Variants in TBC1D1 observed in about 807,000 individuals in gnomAD.
TBC1D1 encodes TBC1 domain family member 1.
A neutral mutation model predicts 125.6 loss-of-function variants in TBC1D1; 89 were observed. That is an observed-to-expected ratio of 0.71 (90% confidence interval 0.60 to 0.85). The LOEUF (loss-of-function observed/expected upper bound fraction) is 0.85. Ranked by LOEUF, TBC1D1 falls within the 40% of genes least tolerant of loss-of-function variation. The probability of loss-of-function intolerance (pLI) is 0.00; values close to 1 mark genes in which losing one functional copy is unlikely to be tolerated. For synonymous variants in TBC1D1, 565 were observed against 564.1 expected (o/e 1.00, Z -0.02); for missense variants, 1,377 against 1,469.2 (o/e 0.94, Z 1.03).
intron 2 of TBC1D1, among the ~76,000 whole-genome samples, chr4:38,001,197 G>T (rs905392493): frequency 2.0e-5 from 3 of 151,068 alleles, no homozygotes; most frequent in African/African-American, 7.4e-5. Flanking sequence ...TCCAGCCTGA[G>T]CAACAGAGTA....
intron 15 of TBC1D1, among the ~76,000 whole-genome samples, chr4:38,106,782 A>C (rs1254966638): frequency 6.6e-6 from 1 of 152,174 alleles, no homozygotes; most frequent in East Asian, 1.9e-4. Flanking sequence ...AGAAGAGACC[A>C]GATCAGAACA....
chr4:38,068,770 T>C (rs762866003), intron 12 of TBC1D1, among the ~76,000 whole-genome samples: 2 of 152,304 alleles, frequency 1.3e-5, no homozygotes, highest in East Asian at 1.9e-4. Flanking sequence ...TTCAGCAATA[T>C]TGTGAGAGTG....
chr4:37,995,735 C>A lies in TBC1D1; in HGVS notation c.418-18774C>A, dbSNP rs545524934. The A allele has an allele frequency of 1.9e-6, 1 of 528,334 alleles. No homozygotes were observed. Among genetic ancestry groups the A allele is most frequent in the Admixed American group, 1.9e-5 (1 of 51,592 alleles). The allele number at this position is 528,334 out of a possible 1,614,324, so 32.7% of individuals were successfully genotyped here. ...AAGTATTTGGAAATGGTTGTCTGGA[C>A]GGCTTGCACTTTGGTCTTAACTGCA... On this transcript the variant is annotated intron_variant, in intron 2 of 19. Coordinates refer to ENST00000261439, the MANE Select transcript of TBC1D1 (RefSeq NM_015173.4). This position sits in a 1 kb window ranked among gnomAD's most constrained non-coding sequence, Gnocchi z 4.3.
At chr4:38,097,603 A>C (rs1759585566) in intron 14 of TBC1D1, among the ~76,000 whole-genome samples, 1 of 152,056 alleles carries the variant, frequency 6.6e-6, no homozygotes, top group African/African-American at 2.4e-5. Context: ...TGGCCTCCCA[A>C]AGTGCTGGGA....
At chr4:37,963,836 C>A (rs779502150) in intron 2 of TBC1D1, among the ~76,000 whole-genome samples, 1 of 152,146 alleles carries the variant, frequency 6.6e-6, no homozygotes, top group Non-Finnish European at 1.5e-5. Flanking sequence ...GACTCTACTC[C>A]CTTGTAGATT....
chr4:38,034,928 A>G (rs979042867), intron 7 of TBC1D1, among the ~76,000 whole-genome samples: 3 of 152,176 alleles, frequency 2.0e-5, no homozygotes. Flanking sequence ...CACCATCCTC[A>G]CTTCAGCAGA....
At chr4:37,976,662 C>G (rs74856886) in intron 2 of TBC1D1, among the ~76,000 whole-genome samples, 1 of 148,392 alleles carries the variant, frequency 6.7e-6, no homozygotes, top group Non-Finnish European at 1.5e-5. Context: ...TTTTTTTTTT[C>G]AACGTGGAAC....
At chr4:37,996,789 A>G (rs1181254661) in intron 2 of TBC1D1, among the ~76,000 whole-genome samples, 1 of 152,244 alleles carries the variant, frequency 6.6e-6, no homozygotes, top group Non-Finnish European at 1.5e-5. Context: ...AAAGATGGTG[A>G]CAGGGCTGTG....
intron 2 of TBC1D1, among the ~76,000 whole-genome samples, chr4:37,942,352 C>CTTT (rs569587262): frequency 6.6e-6 from 1 of 151,732 alleles, no homozygotes; most frequent in Admixed American, 6.6e-5. Context: ...CAACCCCTGC[C>CTTT]TTTTTTTTGT....
Position 38,096,030 on chromosome 4 carries a change from A to G in TBC1D1, c.2338A>G (p.Thr780Ala). Residue 780 changes from threonine to alanine, a missense_variant, in exon 14 of 20, where the codon ACT (threonine) becomes GCT (alanine). This residue lies in a region of TBC1D1 where 543 missense variants were observed against 613.5 expected (regional missense o/e 0.89). Coordinates refer to ENST00000261439, the MANE Select transcript of TBC1D1 (RefSeq NM_015173.4). ...TACAGTGTGGGAAAAGATGCTTAGC[A>G]CTCCAGGAAGATCAAAAATTAAGTT... 1.9e-6 allele frequency: 3 copies of G among 1,614,014 alleles called. No homozygotes were observed. Among genetic ancestry groups the G allele is most frequent in the African/African-American group, 2.7e-5 (2 of 75,012 alleles).
At chr4:37,952,170 C>A in intron 2 of TBC1D1, 2 of 696,046 alleles carry the variant, frequency 2.9e-6, no homozygotes, top group Non-Finnish European at 2.7e-6. Flanking sequence ...TCCCAGTGGC[C>A]CTGAGACTAT....
chr4:38,103,218 A>G (rs1427187813), intron 15 of TBC1D1, 61 bp downstream of exon 17: 2 of 1,543,244 alleles, frequency 1.3e-6, no homozygotes, highest in East Asian at 2.3e-5. Context: ...AAAAATCTGA[A>G]GAGACTGTCC....
At chr4:37,924,501 A>G (rs917745002) in intron 2 of TBC1D1, among the ~76,000 whole-genome samples, 2 of 152,166 alleles carry the variant, frequency 1.3e-5, no homozygotes, top group Non-Finnish European at 2.9e-5. Context: ...TCATCCCACC[A>G]GAAACTCTGT....
chr4:37,913,692 G>A (rs751002564), intron 2 of TBC1D1, among the ~76,000 whole-genome samples: 2 of 149,586 alleles, frequency 1.3e-5, no homozygotes, highest in African/African-American at 2.5e-5. Context: ...ATCACCCTCC[G>A]ATGACCCCAC....
chr4:37,997,040 T>C (rs993863114), intron 2 of TBC1D1, among the ~76,000 whole-genome samples: 1 of 152,252 alleles, frequency 6.6e-6, no homozygotes, highest in Non-Finnish European at 1.5e-5. Flanking sequence ...ATTTTGGTGC[T>C]GTCAAGGTGA....
rs1002003853 is a variant in TBC1D1 at position 38,096,797 on chromosome 4, G to A, written c.2398+707G>A. Among the ~76,000 whole-genome samples, 3 of 150,908 alleles carry A rather than the reference G, an allele frequency of 2.0e-5. No individual in the cohort carries two copies. In the East Asian group the frequency reaches 5.8e-4, roughly 29 times the overall value. On this transcript the variant is annotated intron_variant, in intron 14 of 19. Coordinates refer to ENST00000261439, the MANE Select transcript of TBC1D1 (RefSeq NM_015173.4). ...ATGTGGACTTATATTTTGTCCATCT[G>A]TTTTTTTTTAAATTTTGTTTTTCTA... is the stretch of plus-strand genomic sequence containing the variant.
At chr4:38,054,480 G>T in intron 12 of TBC1D1, 142 bp downstream of exon 14, 2 of 1,106,950 alleles carry the variant, frequency 1.8e-6, no homozygotes, top group East Asian at 2.5e-5. Flanking sequence ...TAACTAGGGA[G>T]GGAATTTAGA....
At chr4:38,107,662 C>T (rs1430535654) in intron 15 of TBC1D1, among the ~76,000 whole-genome samples, 1 of 125,648 alleles carries the variant, frequency 8.0e-6, no homozygotes, top group Non-Finnish European at 1.6e-5. Context: ...TCGTGTTCTA[C>T]AGTTTGTGAA....
intron 12 of TBC1D1, among the ~76,000 whole-genome samples, chr4:38,065,040 C>T (rs1277429149): frequency 1.3e-5 from 2 of 152,140 alleles, no homozygotes; most frequent in Non-Finnish European, 2.9e-5. Context: ...AAGTGATTCT[C>T]CTGCCTCAGC....
Sources: allele counts gnomAD v4.1 joint callset (sites outside exome capture counted in the v4.1 genomes callset), GRCh38; gene constraint gnomAD v4.1.1; regional missense constraint gnomAD v4.1.1; non-coding constraint Gnocchi (gnomAD v3.1); transcripts MANE v1.5; gene names NCBI Gene and HGNC (gene_info 2026-07-23, HGNC 2026-07-21).